AGAP1: variants seen among roughly 807,000 people sequenced by gnomAD.
AGAP1 encodes the protein ArfGAP with GTPase domain, ankyrin repeat and PH domain 1.
In AGAP1, 29 loss-of-function variants were observed where a neutral mutation model predicts 105.3. The ratio of observed to expected loss-of-function variants is 0.28; its 90% CI spans 0.21 to 0.38. The LOEUF (loss-of-function observed/expected upper bound fraction) is 0.38, where lower values mean the gene tolerates loss of function less well. Among genes scored for constraint, AGAP1 ranks in the 10% least tolerant of loss-of-function variants. AGAP1 has a pLI of 1.00. For missense variants in AGAP1, 998 were observed against 1,165.1 expected, an observed-to-expected ratio of 0.86 and a Z score of 2.09; for synonymous variants, 509 against 485.9, an observed-to-expected ratio of 1.05 and a Z score of -0.63.
intron 1 of AGAP1, among the ~76,000 whole-genome samples, chr2:235,696,208 G>C (rs922494484): frequency 1.3e-5 from 2 of 152,168 alleles, no homozygotes; most frequent in African/African-American, 4.8e-5. Context: ...CCCATGCCCA[G>C]CTAATTTTTG....
chr2:235,496,451 C>T (rs1941322091), intron 1 of AGAP1, among the ~76,000 whole-genome samples: 1 of 152,178 alleles, frequency 6.6e-6, no homozygotes, highest in Non-Finnish European at 1.5e-5. Context: ...AAGGTTCCTC[C>T]AGAGCTCCAG....
At chr2:235,641,031 G>A (rs146409440) in intron 1 of AGAP1, among the ~76,000 whole-genome samples, 14 of 152,238 alleles carry the variant, frequency 9.2e-5, no homozygotes, top group Admixed American at 5.2e-4. Context: ...TGTAATGACC[G>A]GCCTAATACC....
intron 1 of AGAP1, among the ~76,000 whole-genome samples, chr2:235,594,306 TTTAAATA>T (rs1255922230): frequency 6.6e-6 from 1 of 151,806 alleles, no homozygotes; most frequent in African/African-American, 2.4e-5. Flanking sequence ...TTTTTTCATA[TTTAAATA>T]TTAGTTTTAT....
chr2:235,807,940 A>G (rs2150095637), intron 9 of AGAP1, among the ~76,000 whole-genome samples: 1 of 152,266 alleles, frequency 6.6e-6, no homozygotes, highest in African/African-American at 2.4e-5. Flanking sequence ...TCATTACACA[A>G]CAGGACTTGA....
Position 235,662,517 on chromosome 2 carries a change from ATT to A in AGAP1, c.164-46644_164-46643del, listed in dbSNP as rs66689239. Among the ~76,000 whole-genome samples, 6,864 of 124,568 alleles carry A rather than the reference ATT, an allele frequency of 0.055. 403 individuals carry two copies. Among genetic ancestry groups the A allele is most frequent in the African/African-American group, 0.15 (5,126 of 33,568 alleles). The allele number at this position is 124,568 out of a possible 152,430, so 81.7% of individuals were successfully genotyped here. On this transcript the variant is annotated intron_variant, in intron 1 of 17. Transcript: ENST00000304032. The surrounding 1 kb of genome is among the most constrained non-coding windows in gnomAD (Gnocchi z 4.2). ...CTGTCTGCCTTCATGGAAGTTGGTGATTTTTTTTTTTTTTTTTTTGGCTCTGT... is the reference window on the plus strand; with the variant it reads ...CTGTCTGCCTTCATGGAAGTTGGTGATTTTTTTTTTTTTTTTTGGCTCTGT...
chr2:236,110,641 C>T (rs1294210866), intron 16 of AGAP1, among the ~76,000 whole-genome samples: 1 of 152,172 alleles, frequency 6.6e-6, no homozygotes, highest in African/African-American at 2.4e-5. Flanking sequence ...ATTACTGATA[C>T]TTTTCCTAGT....
intron 6 of AGAP1, among the ~76,000 whole-genome samples, chr2:235,785,953 C>T (rs774548616): frequency 3.9e-5 from 6 of 152,258 alleles, no homozygotes; most frequent in Non-Finnish European, 7.4e-5. Context: ...CTTTGCCTGG[C>T]GTGGAAGAGT....
At chr2:235,812,741 G>A (rs762871706) in intron 9 of AGAP1, among the ~76,000 whole-genome samples, 4 of 152,218 alleles carry the variant, frequency 2.6e-5, no homozygotes, top group African/African-American at 4.8e-5. Context: ...ACAGGCCTGC[G>A]GCCTCTCTGC....
intron 13 of AGAP1, among the ~76,000 whole-genome samples, chr2:235,990,243 A>G (rs2055502755): frequency 6.6e-6 from 1 of 152,230 alleles, no homozygotes; most frequent in African/African-American, 2.4e-5. Context: ...TTCAAAACAG[A>G]TCATCCTCCT....
rs546182302 is a variant in AGAP1, at chr2:236,040,238, G to T, written c.1801-513G>T. On this transcript the variant is annotated intron_variant, in intron 14 of 17. Coordinates refer to ENST00000304032, the MANE Select transcript of AGAP1 (RefSeq NM_001037131.3). The surrounding 1 kb of genome is among the most constrained non-coding windows in gnomAD (Gnocchi z 5.6). ...CACCCTGGCGAGTGGCTTTGTCACT[G>T]TGGCAACCGAGGGTCTTCAGATGAC... Among the ~76,000 whole-genome samples, 1 of 152,316 alleles carries T rather than the reference G, an allele frequency of 6.6e-6. No individual in the cohort carries two copies. Among genetic ancestry groups the T allele is most frequent in the South Asian group, 2.1e-4 (1 of 4,822 alleles).
At chr2:235,807,387 C>T in intron 9 of AGAP1, 56 bp downstream of exon 9, 3 of 1,486,732 alleles carry the variant, frequency 2.0e-6, no homozygotes, top group Non-Finnish European at 2.7e-6. Context: ...CTCAGGTCTT[C>T]CTGGAGATGA....
intron 11 of AGAP1, among the ~76,000 whole-genome samples, chr2:235,917,148 T>C (rs1326097934): frequency 6.6e-6 from 1 of 152,148 alleles, no homozygotes; most frequent in Non-Finnish European, 1.5e-5. Context: ...AGGAATCCTT[T>C]CCCCTTCTCC....
rs1249743592 is a variant in AGAP1 at position 235,733,274 on chromosome 2, C to G, written c.311-7689C>G. ...CTTTGCCGGCCATTCACTTCCAAGG[C>G]TTTCTTATTTCCATTCCTCAGTCAG... On this transcript the variant is annotated intron_variant, in intron 3 of 17. Transcript: ENST00000304032. This position sits in a 1 kb window ranked among gnomAD's most constrained non-coding sequence, Gnocchi z 5.0. Among the ~76,000 whole-genome samples the G allele has an allele frequency of 1.3e-5, 2 of 152,238 alleles. No homozygotes were observed. Among genetic ancestry groups the G allele is most frequent in the African/African-American group, 4.8e-5 (2 of 41,472 alleles).
chr2:236,116,775 A>C (rs2059782044), intron 16 of AGAP1, among the ~76,000 whole-genome samples: 1 of 145,794 alleles, frequency 6.9e-6, no homozygotes, highest in South Asian at 2.4e-4. Context: ...CAAGTCCCCA[A>C]AGTCCGTTGT....
At chr2:235,760,043 A>G (rs1461727426) in intron 6 of AGAP1, among the ~76,000 whole-genome samples, 1 of 152,236 alleles carries the variant, frequency 6.6e-6, no homozygotes, top group Non-Finnish European at 1.5e-5. Flanking sequence ...CTTCTGGCAC[A>G]TCAACTGAGA....
chr2:236,003,319 A>G lies in AGAP1; in HGVS notation c.1646-33242A>G, dbSNP rs938496640. ...CTCAGCCTCCCAGAGTGCCAGGATT[A>G]CAAGAGTGAGCCACCACGCCCAGCC... On this transcript the variant is annotated intron_variant, in intron 13 of 17. Transcript: ENST00000304032. This position sits in a 1 kb window ranked among gnomAD's most constrained non-coding sequence, Gnocchi z 4.2. Among the ~76,000 whole-genome samples, 3 of 152,180 alleles carry G rather than the reference A, an allele frequency of 2.0e-5. No homozygotes were observed. Among genetic ancestry groups the G allele is most frequent in the Non-Finnish European group, 2.9e-5 (2 of 68,026 alleles).
chr2:236,003,349 A>G lies in AGAP1; in HGVS notation c.1646-33212A>G, dbSNP rs2056202147. On this transcript the variant is annotated intron_variant, in intron 13 of 17. Coordinates refer to ENST00000304032, the MANE Select transcript of AGAP1 (RefSeq NM_001037131.3). The surrounding 1 kb of genome is among the most constrained non-coding windows in gnomAD (Gnocchi z 4.2). ...AGTGAGCCACCACGCCCAGCCCAGG[A>G]TGCTTTCTTTTCATGGGTCTTTGTC... Among the ~76,000 whole-genome samples the G allele has an allele frequency of 6.6e-6, 1 of 152,072 alleles. No homozygotes were observed. The highest frequency in any genetic ancestry group is 1.5e-5 in the Non-Finnish European group (1 of 68,002).
In AGAP1 at chr2:235,807,364, G is replaced by A. The variant is rs771499636; in HGVS notation, c.1050+33G>A. On this transcript the variant is annotated intron_variant, in intron 9 of 17. Transcript: ENST00000304032. ...GCCTCCCCATCCTTCCCTCCCTGTC[G>A]CCGGAGATACACCTCAGGTCTTCCT... 3.8e-5 allele frequency: 59 copies of A among 1,552,126 alleles called. No homozygotes were observed. The Admixed American group carries it at 6.0e-4, about 16-fold the overall frequency.
intron 6 of AGAP1, among the ~76,000 whole-genome samples, chr2:235,778,796 A>G (rs568100184): frequency 6.6e-6 from 1 of 152,114 alleles, no homozygotes; most frequent in Non-Finnish European, 1.5e-5. Context: ...TGTAAACCCC[A>G]TGGGATCAGG....
Sources: allele counts gnomAD v4.1 joint callset (sites outside exome capture counted in the v4.1 genomes callset), GRCh38; gene constraint gnomAD v4.1.1; non-coding constraint Gnocchi (gnomAD v3.1); transcripts MANE v1.5; gene names NCBI Gene and HGNC (gene_info 2026-07-23, HGNC 2026-07-21).